Variants in SERINC5 observed in about 807,000 individuals in gnomAD.
The protein encoded by SERINC5 is serine incorporator 5.
Under a neutral mutation model 63.1 loss-of-function variants are expected in SERINC5, and 41 were observed. The observed-to-expected ratio is 0.65, with a 90% CI of 0.51 to 0.84. The LOEUF is 0.84. Ranked by LOEUF, SERINC5 falls within the 40% of genes least tolerant of loss-of-function variation. The pLI is 0.00. For missense variants in SERINC5, 523 were observed against 573.0 expected (o/e 0.91, Z 0.89); for synonymous variants, 222 against 215.2 (o/e 1.03, Z -0.28).
At chr5:80,244,765 T>C (rs1014722524) in intron 1 of SERINC5, among the ~76,000 whole-genome samples, 1 of 152,102 alleles carries the variant, frequency 6.6e-6, no homozygotes, top group Non-Finnish European at 1.5e-5. Flanking sequence ...GAGGTTGCAG[T>C]GAGCTGAGAT....
At chr5:80,152,657 T>C (rs1222318837) in intron 8 of SERINC5, among the ~76,000 whole-genome samples, 1 of 152,116 alleles carries the variant, frequency 6.6e-6, no homozygotes, top group East Asian at 1.9e-4. Context: ...AGGCTCAGAA[T>C]AGGCCAGGTG....
chr5:80,158,939 C>G lies in SERINC5; in HGVS notation c.883G>C (p.Val295Leu), dbSNP rs1252650207. 1 of 1,613,768 alleles carries G rather than the reference C, an allele frequency of 6.2e-7. No individual in the cohort carries two copies. Residue 295 changes from valine to leucine, a missense_variant, in exon 8 of 12, where the codon GTT (valine) becomes CTT (leucine). Val to Leu is a conservative substitution (Grantham distance 32, BLOSUM62 1). Coordinates refer to ENST00000507668, the MANE Select transcript of SERINC5 (RefSeq NM_001174072.3). The stretch of plus-strand genomic sequence containing the variant: ...CCAAAGTCAGGCACACAGATTGTAA[C>G]ATTTTTCCCATGTTCATCTAGAACT... Reference protein sequence around the residue: ...EVVLDEHGKNVTICVPDFGQD... With the variant: ...EVVLDEHGKNLTICVPDFGQD...
At chr5:80,251,590 T>C (rs1752424587) in intron 1 of SERINC5, among the ~76,000 whole-genome samples, 1 of 151,742 alleles carries the variant, frequency 6.6e-6, no homozygotes, top group African/African-American at 2.4e-5. Context: ...ATTAGCCAGA[T>C]GTAGTGGCAA....
chr5:80,234,314 GT>G (rs1439734208), intron 1 of SERINC5, among the ~76,000 whole-genome samples: 2 of 152,036 alleles, frequency 1.3e-5, no homozygotes, highest in African/African-American at 4.8e-5. Flanking sequence ...TGGCGTACCC[GT>G]TTTTTCCAGT....
In SERINC5 at chr5:80,142,757, C is replaced by T; in HGVS notation, c.*906G>A. Reference sequence around the variant, plus strand: ...GAGCAGTGCATGCAGCAGGCTTCAACACGAAGCAGCTTTTCAGTTAAGGTC... The same window carrying T: ...GAGCAGTGCATGCAGCAGGCTTCAATACGAAGCAGCTTTTCAGTTAAGGTC... On this transcript the variant is annotated 3_prime_UTR_variant, in exon 12 of 12. Transcript: ENST00000507668. 1 of 985,442 alleles carries T rather than the reference C, an allele frequency of 1.0e-6. No individual in the cohort carries two copies. The highest frequency in any genetic ancestry group is 1.2e-6 in the Non-Finnish European group (1 of 829,944). The allele number at this position is 985,442 out of a possible 1,614,324, so 61.0% of individuals were successfully genotyped here.
downstream of SERINC5, among the ~76,000 whole-genome samples, chr5:80,136,345 C>G (rs377145318): frequency 1.3e-5 from 2 of 152,066 alleles, no homozygotes; most frequent in Admixed American, 6.5e-5. Context: ...AGCATAAGGG[C>G]AGGAAAAAGG....
chr5:80,139,216 T>C lies in SERINC5; in HGVS notation c.*4447A>G. Reference sequence around the variant, plus strand: ...TAGCAAAGTTATATCTATAAAACTTTTGTAGTTTTCTTTTTGCAAAGTAAA... The same window carrying C: ...TAGCAAAGTTATATCTATAAAACTTCTGTAGTTTTCTTTTTGCAAAGTAAA... On this transcript the variant is annotated 3_prime_UTR_variant, in exon 12 of 12. Transcript: ENST00000507668. 3.1e-5 allele frequency: 30 copies of C among 977,978 alleles called. No homozygotes were observed. The highest frequency in any genetic ancestry group is 3.6e-5 in the Non-Finnish European group (30 of 823,126). The allele number at this position is 977,978 out of a possible 1,614,324, so 60.6% of individuals were successfully genotyped here.
chr5:80,138,510 C>T (rs1031057935), downstream of SERINC5, among the ~76,000 whole-genome samples: 5 of 151,888 alleles, frequency 3.3e-5, no homozygotes, highest in South Asian at 2.1e-4. Context: ...GCAAGAGAAT[C>T]GCTTGAGCCT....
At chr5:80,241,804 G>A (rs751547781) in intron 1 of SERINC5, among the ~76,000 whole-genome samples, 8 of 152,106 alleles carry the variant, frequency 5.3e-5, no homozygotes, top group Non-Finnish European at 1.0e-4. Flanking sequence ...TACATTAAAT[G>A]TAAATGATCC....
chr5:80,230,623 G>A (rs1377019915), intron 1 of SERINC5, among the ~76,000 whole-genome samples: 1 of 152,064 alleles, frequency 6.6e-6, no homozygotes, highest in Non-Finnish European at 1.5e-5. Flanking sequence ...CAGACTCTGT[G>A]ACACCAGCAC....
chr5:80,134,700 C>G (rs771650530), downstream of SERINC5, among the ~76,000 whole-genome samples: 1 of 152,162 alleles, frequency 6.6e-6, no homozygotes, highest in Non-Finnish European at 1.5e-5. Flanking sequence ...ACAAGTAAAA[C>G]GTGGCCTCTG....
At chr5:80,191,497 A>G (rs7379979) in intron 2 of SERINC5, among the ~76,000 whole-genome samples, 1,081 of 34,448 alleles carry the variant, frequency 0.031, 5 homozygotes, top group East Asian at 0.23. Context: ...AAAAAAAAAG[A>G]AAAAAAAAAA....
intron 2 of SERINC5, among the ~76,000 whole-genome samples, chr5:80,180,222 A>G (rs1482208800): frequency 1.3e-5 from 2 of 152,208 alleles, no homozygotes; most frequent in Non-Finnish European, 2.9e-5. Flanking sequence ...CATTCCTAGT[A>G]ATGTCATAAA....
intron 1 of SERINC5, among the ~76,000 whole-genome samples, chr5:80,229,052 G>GGGGGGGGGA (rs1307981763): frequency 1.5e-5 from 1 of 64,770 alleles, no homozygotes; most frequent in African/African-American, 7.0e-5. Context: ...TTTTTTTTTG[G>GGGGGGGGGA]GGATGGAGTT....
intron 7 of SERINC5, among the ~76,000 whole-genome samples, chr5:80,165,551 G>A (rs543780814): frequency 1.3e-5 from 2 of 152,160 alleles, no homozygotes; most frequent in Non-Finnish European, 2.9e-5. Context: ...TAAGTAGCAG[G>A]ATCAGTCTAT....
chr5:80,123,426 C>T (rs1744623896), intron 11 of SERINC5, among the ~76,000 whole-genome samples: 2 of 152,306 alleles, frequency 1.3e-5, no homozygotes, highest in South Asian at 4.1e-4. Context: ...CTAGCTTCCT[C>T]ACTTATTTTT....
At chr5:80,218,216 T>C (rs757691155) in intron 1 of SERINC5, among the ~76,000 whole-genome samples, 3 of 152,200 alleles carry the variant, frequency 2.0e-5, no homozygotes, top group Admixed American at 1.3e-4. Flanking sequence ...AAAGCCAGCA[T>C]GTGTCGCATT....
In SERINC5 at chr5:80,229,053, G is replaced by GGGGGGGGGGC. The variant is rs1372305543; in HGVS notation, c.28-26001_28-26000insGCCCCCCCCC. 5.7e-4 allele frequency among the ~76,000 whole-genome samples: 34 copies of GGGGGGGGGGC among 60,162 alleles called. 2 individuals carry two copies. The East Asian group carries it at 0.012, about 22-fold the overall frequency. 39.5% of individuals were successfully genotyped at this position (60,162 alleles called of 152,430 possible). ...TTTTTTTTTTTTTTTTTTTTTTTGG[G>GGGGGGGGGGC]GATGGAGTTGCCTAGGCTGGAGTGC... On this transcript the variant is annotated intron_variant, in intron 1 of 11. Coordinates refer to ENST00000507668, the MANE Select transcript of SERINC5 (RefSeq NM_001174072.3).
intron 1 of SERINC5, among the ~76,000 whole-genome samples, chr5:80,241,145 T>G (rs997733076): frequency 3.3e-5 from 5 of 152,132 alleles, no homozygotes; most frequent in Admixed American, 3.3e-4. Flanking sequence ...TTCAAGGTGC[T>G]ACATACTATA....
Sources: allele counts gnomAD v4.1 joint callset (sites outside exome capture counted in the v4.1 genomes callset), GRCh38; gene constraint gnomAD v4.1.1; transcripts MANE v1.5; gene names NCBI Gene and HGNC (gene_info 2026-07-23, HGNC 2026-07-21).